DYDC1: variants seen among roughly 807,000 people sequenced by gnomAD.
DYDC1 encodes the protein DPY30 domain-containing protein 1.
In DYDC1, 21 loss-of-function variants were observed where a neutral mutation model predicts 27.9. The ratio of observed to expected loss-of-function variants is 0.75; its 90% CI spans 0.53 to 1.08. DYDC1 has a LOEUF of 1.08. Among genes scored for constraint, DYDC1 ranks in the 50% least tolerant of loss-of-function variants. The pLI is 0.00. For synonymous variants in DYDC1, 67 were observed against 65.8 expected (o/e 1.02, Z -0.09); for missense variants, 202 against 205.9 (o/e 0.98, Z 0.12).
intron 1 of DYDC1, chr10:80,356,192 T>C (rs1843358049): frequency 1.0e-6 from 1 of 952,980 alleles, no homozygotes; most frequent in Admixed American, 6.2e-5. Context: ...CATGTTCCTG[T>C]CTGTGAAACG....
chr10:80,353,648 G>A (rs1340275387), intron 1 of DYDC1, among the ~76,000 whole-genome samples: 2 of 150,646 alleles, frequency 1.3e-5, no homozygotes, highest in Non-Finnish European at 3.0e-5. Flanking sequence ...TCAGGAGATC[G>A]AGACCATCCT....
At chr10:80,356,180 A>G in intron 1 of DYDC1, 1 of 921,312 alleles carries the variant, frequency 1.1e-6, no homozygotes, top group Non-Finnish European at 1.3e-6. Flanking sequence ...CAACTCCCTT[A>G]GCATGTTCCT....
intron 3 of DYDC1, among the ~76,000 whole-genome samples, chr10:80,348,754 GA>G (rs1842809476): frequency 6.6e-6 from 1 of 152,108 alleles, no homozygotes; most frequent in South Asian, 2.1e-4. Flanking sequence ...CAAAATTCTA[GA>G]AATACCTTCT....
chr10:80,347,282 T>C (rs1283330216), intron 3 of DYDC1, among the ~76,000 whole-genome samples: 10 of 26,494 alleles, frequency 3.8e-4, no homozygotes, highest in African/African-American at 6.0e-4. Flanking sequence ...GATCCTTTTT[T>C]TTTTTTTTTT....
At chr10:80,348,082 A>C (rs548324243) in intron 3 of DYDC1, among the ~76,000 whole-genome samples, 1 of 152,344 alleles carries the variant, frequency 6.6e-6, no homozygotes, top group Admixed American at 6.5e-5. Flanking sequence ...CTTCTGATAT[A>C]TGAACACAAG....
chr10:80,336,149 G>T lies in DYDC1; in HGVS notation c.*7C>A, dbSNP rs1345157010. 4 of 1,476,920 alleles carry T rather than the reference G, an allele frequency of 2.7e-6. No homozygotes were observed. In the Admixed American group the frequency reaches 5.7e-5, roughly 21 times the overall value. 91.5% of individuals were successfully genotyped at this position (1,476,920 alleles called of 1,614,324 possible). A position where few individuals can be genotyped will look rare whatever the true frequency, so the allele number is the denominator to read the frequency against. On this transcript the variant is annotated 3_prime_UTR_variant, in exon 7 of 7. Transcript: ENST00000372202. ...AAAAACATTTATTGCTCTTAGGTTG[G>T]TTGGTCCTACAAATCTTGATCAATG...
intron 1 of DYDC1, chr10:80,356,371 TAGCCAGCC>T: frequency 1.0e-6 from 1 of 985,738 alleles, no homozygotes; most frequent in Non-Finnish European, 1.2e-6. Context: ...GGGAGACAGC[TAGCCAGCC>T]AGCCAGCCAA....
At chr10:80,338,269 G>C (rs1402090021) in intron 6 of DYDC1, 198 bp downstream of exon 6, 29 of 1,312,378 alleles carry the variant, frequency 2.2e-5, no homozygotes, top group East Asian at 3.1e-5. Context: ...ATAAGCCAGT[G>C]ACACACTTCA....
intron 4 of DYDC1, among the ~76,000 whole-genome samples, chr10:80,341,037 A>G (rs1842301263): frequency 6.6e-6 from 1 of 152,224 alleles, no homozygotes; most frequent in African/African-American, 2.4e-5. Context: ...TGATTCTCTC[A>G]TCTAAGCATC....
chr10:80,346,376 A>G (rs1422696306), intron 3 of DYDC1, among the ~76,000 whole-genome samples: 1 of 144,434 alleles, frequency 6.9e-6, no homozygotes, highest in African/African-American at 2.6e-5. Flanking sequence ...GCCAATTTGT[A>G]TTCCCATCAA....
At position 80,338,505 on chromosome 10, in the gene DYDC1, T is replaced by G; in HGVS notation, c.466A>C (p.Ser156Arg). Residue 156 changes from serine to arginine, a missense_variant, in exon 6 of 7, where the codon AGC (serine) becomes CGC (arginine). Transcript: ENST00000372202. ...ISDRYGAPNL[S>R]RVEELDEPMF... Reference sequence around the variant, plus strand: ...GGTTCATCAAGTTCTTCCACTCTGCTCAAGTTAGGTGCTCCATAACGATCG... The same window carrying G: ...GGTTCATCAAGTTCTTCCACTCTGCGCAAGTTAGGTGCTCCATAACGATCG... 3 of 1,613,162 alleles carry G rather than the reference T, an allele frequency of 1.9e-6. No homozygotes were observed. The highest frequency in any genetic ancestry group is 2.5e-6 in the Non-Finnish European group (3 of 1,179,630).
At chr10:80,338,041 C>T (rs1842190511) in intron 6 of DYDC1, 1 of 977,516 alleles carries the variant, frequency 1.0e-6, no homozygotes, top group African/African-American at 1.8e-5. Context: ...AGGCACAGTG[C>T]CTGGCATATG....
intron 1 of DYDC1, among the ~76,000 whole-genome samples, chr10:80,353,359 T>G (rs2132844514): frequency 6.6e-6 from 1 of 151,714 alleles, no homozygotes; most frequent in East Asian, 2.0e-4. Context: ...AGACAGGGTT[T>G]CACTGTGTTA....
intron 3 of DYDC1, among the ~76,000 whole-genome samples, chr10:80,350,231 A>G (rs1180898278): frequency 2.6e-5 from 4 of 152,236 alleles, no homozygotes; most frequent in Non-Finnish European, 4.4e-5. Context: ...CATACCGGTC[A>G]ACATAATATG....
In DYDC1 at chr10:80,338,525, C is replaced by A; in HGVS notation, c.446G>T (p.Arg149Leu). The A allele has an allele frequency of 4.3e-6, 7 of 1,611,072 alleles. No homozygotes were observed. Among genetic ancestry groups the A allele is most frequent in the Non-Finnish European group, 5.9e-6 (7 of 1,178,948 alleles). Reference protein sequence around the residue: ...SGKTLAEISDRYGAPNLSRVE... With the variant: ...SGKTLAEISDLYGAPNLSRVE... ...TCTGCTCAAGTTAGGTGCTCCATAA[C>A]GATCGCTGATTTCAGCTAGTGTTTT... The change falls in exon 6 of 7, where the codon CGT becomes CTT. Residue 149 changes from arginine (R) to leucine (L), a missense_variant. Transcript: ENST00000372202.
chr10:80,336,440 G>C (rs1227918139), intron 6 of DYDC1: 1 of 779,408 alleles, frequency 1.3e-6, no homozygotes, highest in Admixed American at 6.2e-5. Flanking sequence ...TCTTCCTGTG[G>C]CCATCCCTTC....
chr10:80,353,960 A>T (rs2132849206), intron 1 of DYDC1, among the ~76,000 whole-genome samples: 1 of 152,044 alleles, frequency 6.6e-6, no homozygotes, highest in South Asian at 2.1e-4. Flanking sequence ...CTGAAAATAC[A>T]AACAAATTAG....
chr10:80,356,745 G>C lies in DYDC1; in HGVS notation c.-43C>G, dbSNP rs4934083. On this transcript the variant is annotated 5_prime_UTR_variant, in exon 1 of 7. Coordinates refer to ENST00000372202, the MANE Select transcript of DYDC1 (RefSeq NM_001269053.2). Reference sequence around the variant, plus strand: ...ACGCGCCTGCTCGCCACCCAGGAGCGGCGTCCCGTTGCCAGGCAACGAGAG... The same window carrying C: ...ACGCGCCTGCTCGCCACCCAGGAGCCGCGTCCCGTTGCCAGGCAACGAGAG... The C allele has an allele frequency of 0.73, 715,771 of 985,170 alleles. 262,387 individuals carry two copies. Among genetic ancestry groups the C allele is most frequent in the East Asian group, 0.97 (8,485 of 8,756 alleles). 61.0% of individuals were successfully genotyped at this position (985,170 alleles called of 1,614,324 possible).
intron 6 of DYDC1, 89 bp downstream of exon 6, chr10:80,338,378 A>G: frequency 6.5e-7 from 1 of 1,544,836 alleles, no homozygotes; most frequent in Middle Eastern, 1.7e-4. Context: ...ATCCTGGCCT[A>G]GCCTCATTTT....
Sources: allele counts gnomAD v4.1 joint callset (sites outside exome capture counted in the v4.1 genomes callset), GRCh38; gene constraint gnomAD v4.1.1; transcripts MANE v1.5; gene names NCBI Gene and HGNC (gene_info 2026-07-23, HGNC 2026-07-21).